The following NSG2 variants were observed in gnomAD, a reference collection of about 807,000 sequenced individuals.
The protein encoded by NSG2 is neuronal vesicle trafficking-associated protein 2.
NSG2 carries 4 observed loss-of-function variants against 16.9 expected under a neutral mutation model. That is an observed-to-expected ratio of 0.24 (90% CI 0.12 to 0.54). The LOEUF is 0.54. Among genes scored for constraint, NSG2 ranks in the 20% least tolerant of loss-of-function variants. The pLI is 0.95. For synonymous variants in NSG2, 98 were observed against 88.7 expected, an observed-to-expected ratio of 1.11 and a Z score of -0.59; for missense variants, 179 against 221.1, an observed-to-expected ratio of 0.81 and a Z score of 1.21.
In NSG2 at chr5:174,072,931, G is replaced by A. The variant is rs1253812401; in HGVS notation, c.213+8616G>A. ...GCCTGGGAGGTTGAGGCTGCAGTGA[G>A]CCGGATTGTGCCACTGCACTCCAAC... On this transcript the variant is annotated intron_variant, in intron 3 of 4. Transcript: ENST00000303177. The surrounding 1 kb of genome is among the most constrained non-coding windows in gnomAD (Gnocchi z 4.0). Among the ~76,000 whole-genome samples, 1 of 152,186 alleles carries A rather than the reference G, an allele frequency of 6.6e-6. No individual in the cohort carries two copies. The highest frequency in any genetic ancestry group is 2.4e-5 in the African/African-American group (1 of 41,442).
chr5:174,061,507 A>G (rs1217347536), intron 2 of NSG2, among the ~76,000 whole-genome samples: 2 of 152,174 alleles, frequency 1.3e-5, no homozygotes, highest in Admixed American at 6.5e-5. Context: ...ATCACATGCT[A>G]TTTCACACTT....
rs1046762642 is a variant in NSG2 at position 174,107,913 on chromosome 5, G to A, written c.*408G>A. 1.4e-5 allele frequency: 5 copies of A among 369,858 alleles called. No individual in the cohort carries two copies. The highest frequency in any genetic ancestry group is 2.6e-5 in the Non-Finnish European group (5 of 190,612). The allele number at this position is 369,858 out of a possible 1,614,324, so 22.9% of individuals were successfully genotyped here. A position where few individuals can be genotyped will look rare whatever the true frequency, so the allele number is the denominator to read the frequency against. On this transcript the variant is annotated 3_prime_UTR_variant, in exon 5 of 5. Transcript: ENST00000303177. The surrounding 1 kb of genome is among the most constrained non-coding windows in gnomAD (Gnocchi z 4.5). ...GGCAGTGAAGAGCACAGACTCTGTG[G>A]GCTTCTTAGATAAGAAAACGTAGCT...
At chr5:174,066,980 ACT>A (rs1408953151) in intron 3 of NSG2, among the ~76,000 whole-genome samples, 1 of 116,192 alleles carries the variant, frequency 8.6e-6, no homozygotes, top group Non-Finnish European at 1.6e-5. Context: ...ACAGAGCGAG[ACT>A]CTGTCTCAAA....
At chr5:174,085,232 C>CTAGGTACATTTGGGTGG (rs1760587704) in intron 3 of NSG2, among the ~76,000 whole-genome samples, 1 of 152,166 alleles carries the variant, frequency 6.6e-6, no homozygotes, top group Non-Finnish European at 1.5e-5. Context: ...TGGAAGTCCA[C>CTAGGTACATTTGGGTGG]CCAATGTACC....
chr5:174,046,750 G>C lies in NSG2; in HGVS notation c.-6G>C. 1.2e-6 allele frequency: 2 copies of C among 1,614,002 alleles called. No individual in the cohort carries two copies. The highest frequency in any genetic ancestry group is 1.7e-6 in the Non-Finnish European group (2 of 1,180,012). ...TTGCCTTAGGTCTGGGAAGAAAGGC[G>C]TAAGGATGGTGAAGCTGAACAGTAA... is the stretch of plus-strand genomic sequence containing the variant. On this transcript the variant is annotated 5_prime_UTR_variant, in exon 2 of 5. Transcript: ENST00000303177.
chr5:174,049,300 A>G (rs1368755510), intron 2 of NSG2, among the ~76,000 whole-genome samples: 2 of 152,240 alleles, frequency 1.3e-5, no homozygotes, highest in Non-Finnish European at 2.9e-5. Flanking sequence ...AGATTGTGCC[A>G]CTGCACTCCA....
intron 3 of NSG2, among the ~76,000 whole-genome samples, chr5:174,087,252 G>C (rs542786119): frequency 6.6e-6 from 1 of 152,294 alleles, no homozygotes; most frequent in East Asian, 1.9e-4. Context: ...CGGATGGAGA[G>C]AACCGGTGTA....
chr5:174,098,745 A>T (rs1389070747), intron 3 of NSG2, among the ~76,000 whole-genome samples: 1 of 152,158 alleles, frequency 6.6e-6, no homozygotes, highest in East Asian at 1.9e-4. Flanking sequence ...TCCGGCTCAC[A>T]GTAGGCCCTT....
chr5:174,101,839 C>T (rs1465827247), intron 3 of NSG2, among the ~76,000 whole-genome samples: 3 of 152,168 alleles, frequency 2.0e-5, no homozygotes, highest in Non-Finnish European at 4.4e-5. Context: ...GGGTGGCCTC[C>T]TTTCCTGTAC....
In NSG2 at chr5:174,066,989, CAAAAAA is replaced by C. The variant is rs543368373; in HGVS notation, c.213+2696_213+2701del. On this transcript the variant is annotated intron_variant, in intron 3 of 4. Transcript: ENST00000303177. ...TGGGCGACAGAGCGAGACTCTGTCTCAAAAAAAAAAAAAAAAAAAAAAAAAAAGAAA... is the reference window on the plus strand; with the variant it reads ...TGGGCGACAGAGCGAGACTCTGTCTCAAAAAAAAAAAAAAAAAAAAAGAAA... 4.0e-3 allele frequency among the ~76,000 whole-genome samples: 111 copies of C among 27,932 alleles called. 1 individual carries two copies. The South Asian group carries it at 0.056, about 14-fold the overall frequency. 18.3% of individuals were successfully genotyped at this position (27,932 alleles called of 152,430 possible). A position where few individuals can be genotyped will look rare whatever the true frequency, so the allele number is the denominator to read the frequency against.
chr5:174,099,653 G>A (rs970311689), intron 3 of NSG2, among the ~76,000 whole-genome samples: 3 of 152,160 alleles, frequency 2.0e-5, no homozygotes, highest in African/African-American at 7.2e-5. Context: ...CACCCCTTGG[G>A]CCAGCCATGC....
intron 3 of NSG2, among the ~76,000 whole-genome samples, chr5:174,067,415 A>G (rs995957178): frequency 1.3e-5 from 2 of 152,160 alleles, no homozygotes; most frequent in Non-Finnish European, 2.9e-5. Flanking sequence ...TAAGAGAAAA[A>G]GGGTGCTGGG....
rs1313972418 is a variant in NSG2, at chr5:174,108,974, T to C, written c.*1469T>C. 6.5e-6 allele frequency: 1 copy of C among 152,752 alleles called. No individual in the cohort carries two copies. The highest frequency in any genetic ancestry group is 1.9e-4 in the East Asian group (1 of 5,328). The allele number at this position is 152,752 out of a possible 1,614,324, so 9.5% of individuals were successfully genotyped here. On this transcript the variant is annotated 3_prime_UTR_variant, in exon 5 of 5. Coordinates refer to ENST00000303177, the MANE Select transcript of NSG2 (RefSeq NM_015980.5). ...CGCTCTCATCTGATTTTTCCTCCCT[T>C]CTCCCCCAACCTCCAATCACCCTGA...
chr5:174,097,048 G>C (rs1395274694), intron 3 of NSG2, among the ~76,000 whole-genome samples: 1 of 152,142 alleles, frequency 6.6e-6, no homozygotes, highest in Non-Finnish European at 1.5e-5. Flanking sequence ...TGTGACGATA[G>C]TGTGCACTAC....
chr5:174,091,039 C>CTTTTTTTTTTT (rs35022469), intron 3 of NSG2, among the ~76,000 whole-genome samples: 1 of 124,120 alleles, frequency 8.1e-6, no homozygotes. Context: ...CTTCTTCTTC[C>CTTTTTTTTTTT]TTTTTTTTTT....
At chr5:174,087,437 CA>C (rs1358151058) in intron 3 of NSG2, among the ~76,000 whole-genome samples, 3 of 152,008 alleles carry the variant, frequency 2.0e-5, no homozygotes, top group Non-Finnish European at 2.9e-5. Flanking sequence ...ATGTATAAAA[CA>C]GGAAAAATGA....
chr5:174,085,057 C>A (rs1054031898), intron 3 of NSG2, among the ~76,000 whole-genome samples: 1 of 152,210 alleles, frequency 6.6e-6, no homozygotes, highest in African/African-American at 2.4e-5. Flanking sequence ...GGCTGTGACT[C>A]ACCAGACCAT....
At chr5:174,083,765 G>A (rs1283115857) in intron 3 of NSG2, among the ~76,000 whole-genome samples, 1 of 152,226 alleles carries the variant, frequency 6.6e-6, no homozygotes, top group East Asian at 1.9e-4. Context: ...AAAGACAGGA[G>A]AATGAACATT....
intron 3 of NSG2, among the ~76,000 whole-genome samples, chr5:174,092,804 C>T (rs868429835): frequency 3.9e-5 from 6 of 152,030 alleles, no homozygotes; most frequent in African/African-American, 1.2e-4. Context: ...AGACTCGGCA[C>T]GTGAGGATGC....
Sources: gnomAD v4.1 joint callset for allele counts (sites outside exome capture counted in the v4.1 genomes callset) on GRCh38, gnomAD v4.1.1 for gene constraint, Gnocchi (gnomAD v3.1) non-coding constraint, MANE v1.5 for transcripts, NCBI Gene and HGNC (gene_info 2026-07-23, HGNC 2026-07-21) for gene names.